Variants in SBNO2 observed in about 807,000 individuals in gnomAD.
The protein encoded by SBNO2 is strawberry notch homolog 2.
Under a neutral mutation model 146.3 loss-of-function variants are expected in SBNO2, and 89 were observed. The observed-to-expected ratio is 0.61, with a 90% CI of 0.51 to 0.73. SBNO2 has a LOEUF of 0.73. SBNO2 is among the 30% of genes least tolerant of loss of function. The pLI is 0.00. For synonymous variants in SBNO2, 1,147 were observed against 892.6 expected (o/e 1.29, Z -5.08); for missense variants, 2,092 against 2,003.7 (o/e 1.04, Z -0.84).
At position 1,144,917 on chromosome 19, in the gene SBNO2, GAGAC is replaced by G. The variant is rs2145290984; in HGVS notation, c.279+2388_279+2391del. 6.6e-6 allele frequency among the ~76,000 whole-genome samples: 1 copy of G among 150,636 alleles called. No homozygotes were observed. Among genetic ancestry groups the G allele is most frequent in the African/African-American group, 2.5e-5 (1 of 40,720 alleles). On this transcript the variant is annotated intron_variant, in intron 4 of 31. Transcript: ENST00000361757. This position sits in a 1 kb window ranked among gnomAD's most constrained non-coding sequence, Gnocchi z 4.1. ...AGAGACAGAGGCGGAGATGGAGACA[GAGAC>G]AGAGAGACAGAGACAGAGAGGGAGA...
intron 17 of SBNO2, chr19:1,115,610 G>A: frequency 3.8e-6 from 1 of 260,164 alleles, no homozygotes; most frequent in Non-Finnish European, 7.5e-6. Flanking sequence ...GACACGCGGG[G>A]TGCCTGGGGA....
chr19:1,132,521 T>A (rs548599044), intron 4 of SBNO2, among the ~76,000 whole-genome samples: 1 of 152,314 alleles, frequency 6.6e-6, no homozygotes, highest in South Asian at 2.1e-4. Flanking sequence ...CTCCCCAGAC[T>A]GCAGGGAGCT....
At chr19:1,132,010 G>T in intron 4 of SBNO2, 1 of 1,123,674 alleles carries the variant, frequency 8.9e-7, no homozygotes, top group South Asian at 1.6e-5. Context: ...CCGGCAGGGG[G>T]CCCGGCCGTC....
intron 18 of SBNO2, among the ~76,000 whole-genome samples, chr19:1,113,977 C>T (rs3826961): frequency 0.18 from 27,003 of 152,240 alleles, 2,772 homozygotes; most frequent in Non-Finnish European, 0.22. Flanking sequence ...GCCCCAAGCC[C>T]CAGCTCTGCC....
In SBNO2 at chr19:1,111,533, G is replaced by T; in HGVS notation, c.2782C>A (p.Pro928Thr). Reference protein sequence around the residue: ...ENKVPVPQGYPGGVPTFFRDM... With the variant: ...ENKVPVPQGYTGGVPTFFRDM... ...CGGAAGAAGGTGGGGACCCCTCCAG[G>T]GTATCCCTGGGGCACAGGCACTTTG... Residue 928 changes from proline (P) to threonine (T), a missense_variant, in exon 24 of 32, where the codon CCT becomes ACT. Physicochemically the swap from Pro to Thr is conservative, Grantham distance 38. Transcript: ENST00000361757. 3 of 1,590,686 alleles carry T rather than the reference G, an allele frequency of 1.9e-6. No individual in the cohort carries two copies. The highest frequency in any genetic ancestry group is 2.6e-6 in the Non-Finnish European group (3 of 1,169,084).
chr19:1,167,721 G>T (rs1036588261), intron 1 of SBNO2, among the ~76,000 whole-genome samples: 10 of 152,198 alleles, frequency 6.6e-5, no homozygotes, highest in Admixed American at 2.6e-4. Context: ...GGCTCCAGGG[G>T]GTGGGGGGGA....
chr19:1,135,920 C>A lies in SBNO2; in HGVS notation c.280-8155G>T, dbSNP rs2080080842. ...GGTCACTAGAGTGCCCCGTGCAGAG[C>A]TGAACTGTGTCCCCAAAATGGTGTG... On this transcript the variant is annotated intron_variant, in intron 4 of 31. Coordinates refer to ENST00000361757, the MANE Select transcript of SBNO2 (RefSeq NM_014963.3). Among the ~76,000 whole-genome samples the A allele has an allele frequency of 2.0e-5, 3 of 152,096 alleles. No individual in the cohort carries two copies. In the South Asian group the frequency reaches 6.2e-4, roughly 31 times the overall value.
At position 1,144,382 on chromosome 19, in the gene SBNO2, G is replaced by A. The variant is rs941452942; in HGVS notation, c.279+2927C>T. Among the ~76,000 whole-genome samples the A allele has an allele frequency of 5.3e-5, 8 of 152,214 alleles. No individual in the cohort carries two copies. The highest frequency in any genetic ancestry group is 4.4e-5 in the Non-Finnish European group (3 of 68,026). On this transcript the variant is annotated intron_variant, in intron 4 of 31. Transcript: ENST00000361757. The surrounding 1 kb of genome is among the most constrained non-coding windows in gnomAD (Gnocchi z 4.1). ...GCCCCACATACGGACGCTGGAGCAT[G>A]AGGCGGCTGTAGGCAGGGTGGGCAG...
At position 1,157,503 on chromosome 19, in the gene SBNO2, C is replaced by A. The variant is rs1232949828; in HGVS notation, c.-126-3101G>T. ...GCCAAACGTCCAGCGGGCAGCAGAG[C>A]GTGTCCCCTGCCTGGTTTTATTTTT... is the stretch of plus-strand genomic sequence containing the variant. On this transcript the variant is annotated intron_variant, in intron 1 of 31. Coordinates refer to ENST00000361757, the MANE Select transcript of SBNO2 (RefSeq NM_014963.3). This position sits in a 1 kb window ranked among gnomAD's most constrained non-coding sequence, Gnocchi z 6.8. 6.9e-6 allele frequency among the ~76,000 whole-genome samples: 1 copy of A among 144,278 alleles called. No individual in the cohort carries two copies. Among genetic ancestry groups the A allele is most frequent in the South Asian group, 2.5e-4 (1 of 4,036 alleles). The allele number at this position is 144,278 out of a possible 152,430, so 94.7% of individuals were successfully genotyped here.
chr19:1,151,273 G>A (rs922949233), intron 2 of SBNO2, among the ~76,000 whole-genome samples: 2 of 152,202 alleles, frequency 1.3e-5, no homozygotes, highest in East Asian at 1.9e-4. Context: ...GCAGGGCCAC[G>A]GCCAGGGAAC....
In SBNO2 at chr19:1,112,556, C is replaced by A. The variant is rs372312427; in HGVS notation, c.2380-19G>T. 50 of 1,586,002 alleles carry A rather than the reference C, an allele frequency of 3.2e-5. No individual in the cohort carries two copies. The highest frequency in any genetic ancestry group is 4.2e-5 in the Non-Finnish European group (49 of 1,172,112). ...CCACGAGCTAGGGGGAAAGAAGGGG[C>A]CGGGACACGGTTGGTGCAAGGCCCG... On this transcript the variant is annotated intron_variant, in intron 20 of 31. Transcript: ENST00000361757. The surrounding 1 kb of genome is among the most constrained non-coding windows in gnomAD (Gnocchi z 5.9).
rs752169863 is a variant in SBNO2, at chr19:1,116,033, T to C, written c.1873A>G (p.Ser625Gly). 2 of 1,609,192 alleles carry C rather than the reference T, an allele frequency of 1.2e-6. No homozygotes were observed. The highest frequency in any genetic ancestry group is 2.2e-5 in the East Asian group (1 of 44,650). Reference sequence around the variant, plus strand: ...GGGCAGGGCTTACGTTTCCGCTTGCTGCCCGCTCCTCTGTCCCGCTTTCTC... The same window carrying C: ...GGGCAGGGCTTACGTTTCCGCTTGCCGCCCGCTCCTCTGTCCCGCTTTCTC... ...TKRKRDRGAG[S>G]KRKRRPRGRG... The change falls in exon 17 of 32, where the codon AGC becomes GGC. Residue 625 changes from serine to glycine, a missense_variant. By Grantham distance (56) the Ser-to-Gly change is moderately conservative. Transcript: ENST00000361757.
In SBNO2 at chr19:1,118,593, G is replaced by T. The variant is rs1215270912; in HGVS notation, c.1527+418C>A. Reference sequence around the variant, plus strand: ...CACATAAAAACCCCAGTGATGGCCGGGCACGTGGCTCACGCCTGTCATCCC... The same window carrying T: ...CACATAAAAACCCCAGTGATGGCCGTGCACGTGGCTCACGCCTGTCATCCC... On this transcript the variant is annotated intron_variant, in intron 14 of 31. Coordinates refer to ENST00000361757, the MANE Select transcript of SBNO2 (RefSeq NM_014963.3). Among the ~76,000 whole-genome samples, 3 of 152,160 alleles carry T rather than the reference G, an allele frequency of 2.0e-5. No individual in the cohort carries two copies. The East Asian group carries it at 5.8e-4, about 29-fold the overall frequency.
At chr19:1,113,915 C>T (rs916528579) in intron 18 of SBNO2, among the ~76,000 whole-genome samples, 9 of 152,194 alleles carry the variant, frequency 5.9e-5, no homozygotes, top group Admixed American at 2.0e-4. Flanking sequence ...AGCCTCCTGT[C>T]GCGGACCAAA....
In SBNO2 at chr19:1,123,587, T is replaced by C. The variant is rs546112565; in HGVS notation, c.575A>G (p.Glu192Gly). The C allele has an allele frequency of 1.2e-6, 2 of 1,612,808 alleles. No individual in the cohort carries two copies. The highest frequency in any genetic ancestry group is 1.7e-6 in the Non-Finnish European group (2 of 1,179,466). The stretch of plus-strand genomic sequence containing the variant: ...CTCTGTGTGCCCCAGCTCCTCCGCC[T>C]CCTCCTCCTCAGCCTCGTCCTCCTC... ...PEEEDEAEEE[E>G]AEELGHTETY... Residue 192 changes from glutamate (E) to glycine (G), a missense_variant, in exon 7 of 32, where the codon GAG becomes GGG. Physicochemically the swap from Glu to Gly is moderately conservative, Grantham distance 98 (BLOSUM62 -2). Transcript: ENST00000361757.
chr19:1,110,990 G>A lies in SBNO2; in HGVS notation c.2884+29C>T, dbSNP rs369878903. The A allele has an allele frequency of 3.7e-6, 6 of 1,604,302 alleles. No homozygotes were observed. The highest frequency in any genetic ancestry group is 1.7e-5 in the Admixed American group (1 of 58,390). On this transcript the variant is annotated intron_variant, in intron 25 of 31. Coordinates refer to ENST00000361757, the MANE Select transcript of SBNO2 (RefSeq NM_014963.3). The surrounding 1 kb of genome is among the most constrained non-coding windows in gnomAD (Gnocchi z 4.9). ...GTTGCATGAGATGAGAGACAGGAGC[G>A]CCTCTGGGCCTGGGTGTGGGGCACT...
chr19:1,108,682 G>A lies in SBNO2; in HGVS notation c.3639C>T (p.Cys1213=), dbSNP rs1341971280. 4.6e-6 allele frequency: 7 copies of A among 1,536,534 alleles called. No homozygotes were observed. The highest frequency in any genetic ancestry group is 3.9e-5 in the Admixed American group (2 of 51,080). The change falls in exon 32 of 32, where the codon TGC becomes TGT. Residue 1213 remains cysteine (C), a synonymous_variant. Coordinates refer to ENST00000361757, the MANE Select transcript of SBNO2 (RefSeq NM_014963.3). ...GCAGCTCCTGCAGCACCCGGCGCAC[G>A]CAGCCCTCGGGGATCTTGATGCCTG... ...KQVGIKIPEG[C]VRRVLQELRL...
rs781203754 is a variant in SBNO2 at position 1,109,443 on chromosome 19, G to C, written c.3217-20C>G. ...GCGGACCTGCGGAGGGGGGCGTTGA[G>C]GCCGCGCCCCGGTCCGCCCCCCGCG... On this transcript the variant is annotated intron_variant, in intron 28 of 31. Transcript: ENST00000361757. The surrounding 1 kb of genome is among the most constrained non-coding windows in gnomAD (Gnocchi z 4.2). 6.4e-7 allele frequency: 1 copy of C among 1,563,210 alleles called. No individual in the cohort carries two copies. The highest frequency in any genetic ancestry group is 1.2e-5 in the South Asian group (1 of 85,444).
rs2080499353 is a variant in SBNO2 at position 1,173,297 on chromosome 19, C to T, written c.-127+875G>A. 6.6e-6 allele frequency among the ~76,000 whole-genome samples: 1 copy of T among 152,218 alleles called. No individual in the cohort carries two copies. Among genetic ancestry groups the T allele is most frequent in the Admixed American group, 6.5e-5 (1 of 15,290 alleles). On this transcript the variant is annotated intron_variant, in intron 1 of 31. Transcript: ENST00000361757. This position sits in a 1 kb window ranked among gnomAD's most constrained non-coding sequence, Gnocchi z 4.7. ...CGGGCCCCACTCGGGCCATCTCAGC[C>T]CGCTACCCTCCCTCCCGCCTGTCCC...
Sources: allele counts gnomAD v4.1 joint callset (sites outside exome capture counted in the v4.1 genomes callset), GRCh38; gene constraint gnomAD v4.1.1; non-coding constraint Gnocchi (gnomAD v3.1); transcripts MANE v1.5; gene names NCBI Gene and HGNC (gene_info 2026-07-23, HGNC 2026-07-21).